The following NRXN3 variants were observed in gnomAD, a reference collection of about 807,000 sequenced individuals.
The protein encoded by NRXN3 is neurexin III.
In NRXN3, 32 loss-of-function variants were observed where a neutral mutation model predicts 137.6. That is an observed-to-expected ratio of 0.23 (90% CI 0.18 to 0.31). The LOEUF (loss-of-function observed/expected upper bound fraction) is 0.31. Ranked by LOEUF, NRXN3 falls within the 10% of genes least tolerant of loss-of-function variation. The probability of loss-of-function intolerance (pLI) is 1.00; values close to 1 mark genes in which losing one functional copy is unlikely to be tolerated. For missense variants in NRXN3, 1,574 were observed against 2,062.5 expected, an observed-to-expected ratio of 0.76 and a Z score of 4.59; for synonymous variants, 798 against 784.5, an observed-to-expected ratio of 1.02 and a Z score of -0.29.
chr14:78,362,376 C>A (rs1206521755), intron 4 of NRXN3, among the ~76,000 whole-genome samples: 1 of 151,554 alleles, frequency 6.6e-6, no homozygotes. Context: ...ATACGCATAT[C>A]TTAAAATTTT....
chr14:79,708,429 T>A (rs1029273373), intron 19 of NRXN3, among the ~76,000 whole-genome samples: 32 of 151,666 alleles, frequency 2.1e-4, no homozygotes, highest in Non-Finnish European at 4.7e-4. Context: ...CTGTACTTGA[T>A]AAATGTCTCT....
chr14:78,670,418 G>C (rs2097923634), intron 6 of NRXN3, among the ~76,000 whole-genome samples: 1 of 152,118 alleles, frequency 6.6e-6, no homozygotes, highest in African/African-American at 2.4e-5. Flanking sequence ...AGGTCTTTGT[G>C]ACCTGTATCT....
chr14:79,801,709 G>A (rs909472687), intron 19 of NRXN3, among the ~76,000 whole-genome samples: 5 of 152,170 alleles, frequency 3.3e-5, no homozygotes, highest in African/African-American at 1.2e-4. Context: ...GGAGCTACTG[G>A]TAAAATGTGG....
chr14:79,415,141 C>T (rs2095478150), intron 15 of NRXN3, among the ~76,000 whole-genome samples: 1 of 152,042 alleles, frequency 6.6e-6, no homozygotes, highest in South Asian at 2.1e-4. Context: ...TCTGCACGGA[C>T]ACTCAGGTTG....
At chr14:78,603,482 A>C (rs1231845898) in intron 4 of NRXN3, among the ~76,000 whole-genome samples, 1 of 152,228 alleles carries the variant, frequency 6.6e-6, no homozygotes, top group Non-Finnish European at 1.5e-5. Context: ...TTTACATATA[A>C]TTTAGAAAGA....
At chr14:78,365,364 GGTCAGCT>G (rs1458329936) in intron 4 of NRXN3, among the ~76,000 whole-genome samples, 1 of 152,082 alleles carries the variant, frequency 6.6e-6, no homozygotes, top group Non-Finnish European at 1.5e-5. Flanking sequence ...ACCCAGTACA[GGTCAGCT>G]GAGCAGAGTA....
chr14:79,108,903 T>C (rs1378835275), intron 15 of NRXN3, among the ~76,000 whole-genome samples: 2 of 152,112 alleles, frequency 1.3e-5, no homozygotes, highest in East Asian at 1.9e-4. Flanking sequence ...TGGGGAGATA[T>C]CATTAGAGAA....
intron 4 of NRXN3, among the ~76,000 whole-genome samples, chr14:78,576,620 G>A (rs928847350): frequency 1.3e-5 from 2 of 152,178 alleles, no homozygotes; most frequent in African/African-American, 2.4e-5. Context: ...GCAGAGGCAC[G>A]GGCAAGCTTA....
chr14:78,763,938 G>A (rs979191764), intron 8 of NRXN3, among the ~76,000 whole-genome samples: 12 of 152,150 alleles, frequency 7.9e-5, no homozygotes, highest in South Asian at 2.1e-4. Flanking sequence ...GAATGAATGC[G>A]AAGACACCCT....
intron 16 of NRXN3, among the ~76,000 whole-genome samples, chr14:79,505,970 G>A (rs1241313279): frequency 6.6e-6 from 1 of 152,202 alleles, no homozygotes; most frequent in Non-Finnish European, 1.5e-5. Context: ...CTCAACAGGG[G>A]AAGGGTCTGC....
intron 19 of NRXN3, among the ~76,000 whole-genome samples, chr14:79,772,945 AC>A (rs2099083748): frequency 6.6e-6 from 1 of 152,124 alleles, no homozygotes; most frequent in Non-Finnish European, 1.5e-5. Context: ...AAAACATACA[AC>A]CCCATCAAAA....
chr14:78,732,074 A>G (rs1159626062), intron 8 of NRXN3, among the ~76,000 whole-genome samples: 1 of 152,170 alleles, frequency 6.6e-6, no homozygotes, highest in Non-Finnish European at 1.5e-5. Context: ...TGGCTCCCTC[A>G]TTACCACATT....
intron 1 of NRXN3, among the ~76,000 whole-genome samples, chr14:78,194,694 G>C (rs1336369803): frequency 6.6e-6 from 1 of 152,174 alleles, no homozygotes; most frequent in African/African-American, 2.4e-5. Context: ...ATGAGCAGAG[G>C]GGCTCCAGAG....
chr14:79,421,814 A>G lies in NRXN3; in HGVS notation c.3263-45407A>G, dbSNP rs141652087. ...TCTTTCAAAGCATCAAAAGAAAAAAAAGTTCTCTCTTTGTCTATTGTTTAT... is the reference window on the plus strand; with the variant it reads ...TCTTTCAAAGCATCAAAAGAAAAAAGAGTTCTCTCTTTGTCTATTGTTTAT... On this transcript the variant is annotated intron_variant, in intron 15 of 20. Transcript: ENST00000335750. 2.6e-5 allele frequency among the ~76,000 whole-genome samples: 4 copies of G among 152,290 alleles called. No individual in the cohort carries two copies. The East Asian group carries it at 7.7e-4, about 29-fold the overall frequency.
chr14:79,445,950 T>C (rs2096057355), intron 15 of NRXN3, among the ~76,000 whole-genome samples: 1 of 152,178 alleles, frequency 6.6e-6, no homozygotes, highest in South Asian at 2.1e-4. Flanking sequence ...ATGTGATCTA[T>C]GCTCCTATTT....
Position 79,127,783 on chromosome 14 carries a change from C to T in NRXN3, c.3262+139642C>T, listed in dbSNP as rs1010376941. Among the ~76,000 whole-genome samples the T allele has an allele frequency of 1.0e-3, 153 of 152,226 alleles. 1 individual carries two copies. Among genetic ancestry groups the T allele is most frequent in the Non-Finnish European group, 1.9e-3 (130 of 68,028 alleles). On this transcript the variant is annotated intron_variant, in intron 15 of 20. Transcript: ENST00000335750. ...ACCTTGGGCAGTATGGCCATTTTCA[C>T]GATATTGATTCTTCCTACCGATGAG... is the stretch of plus-strand genomic sequence containing the variant.
intron 19 of NRXN3, among the ~76,000 whole-genome samples, chr14:79,770,482 G>T (rs1372847924): frequency 1.6e-5 from 2 of 123,578 alleles, no homozygotes; most frequent in Admixed American, 8.7e-5. Flanking sequence ...ACTCAAAGCC[G>T]CTCAACTACA....
intron 15 of NRXN3, among the ~76,000 whole-genome samples, chr14:79,144,489 G>A (rs2059110548): frequency 6.6e-6 from 1 of 152,148 alleles, no homozygotes; most frequent in Admixed American, 6.6e-5. Context: ...CCCAAAATAT[G>A]ATGCTTGCCA....
intron 4 of NRXN3, among the ~76,000 whole-genome samples, chr14:78,558,710 G>C (rs77441859): frequency 0.027 from 4,119 of 152,258 alleles, 72 homozygotes; most frequent in Non-Finnish European, 0.043. Flanking sequence ...AGCTTATGAT[G>C]ATTTTCTTAC....
Sources: gnomAD v4.1 joint callset for allele counts (sites outside exome capture counted in the v4.1 genomes callset) on GRCh38, gnomAD v4.1.1 for gene constraint, MANE v1.5 for transcripts, NCBI Gene and HGNC (gene_info 2026-07-23, HGNC 2026-07-21) for gene names.